The following TTLL11 variants were observed in gnomAD, a reference collection of about 807,000 sequenced individuals.
TTLL11 encodes the protein tubulin polyglutamylase TTLL11.
TTLL11 carries 42 observed loss-of-function variants against 51.7 expected under a neutral mutation model. The observed-to-expected ratio is 0.81, with a 90% CI of 0.64 to 1.05. TTLL11 has a LOEUF of 1.05. Ranked by LOEUF, TTLL11 falls within the 50% of genes least tolerant of loss-of-function variation. The pLI is 0.00. For missense variants in TTLL11, 799 were observed against 940.4 expected, an observed-to-expected ratio of 0.85 and a Z score of 1.97; for synonymous variants, 381 against 383.5, an observed-to-expected ratio of 0.99 and a Z score of 0.08.
intron 6 of TTLL11, among the ~76,000 whole-genome samples, chr9:121,937,686 T>C (rs1841288771): frequency 2.0e-5 from 3 of 149,874 alleles, no homozygotes; most frequent in African/African-American, 7.4e-5. Flanking sequence ...TTAAGAGATG[T>C]CCCTCCCTAG....
chr9:121,963,314 TTC>T (rs961457707), intron 6 of TTLL11, among the ~76,000 whole-genome samples: 3 of 152,214 alleles, frequency 2.0e-5, no homozygotes, highest in African/African-American at 7.2e-5. Flanking sequence ...TAAGTGACTT[TTC>T]TGAGACCAAG....
chr9:121,955,043 T>C (rs1374263390), intron 6 of TTLL11, among the ~76,000 whole-genome samples: 1 of 152,204 alleles, frequency 6.6e-6, no homozygotes, highest in Admixed American at 6.5e-5. Context: ...CCAGTTCTCC[T>C]ATGTGGTCAG....
At chr9:121,841,461 C>T (rs1837344026) in intron 8 of TTLL11, among the ~76,000 whole-genome samples, 1 of 152,170 alleles carries the variant, frequency 6.6e-6, no homozygotes, top group Admixed American at 6.5e-5. Context: ...TGTAAGGCTT[C>T]CTCCTCCCTT....
At chr9:121,867,609 C>A (rs1261545498) in intron 7 of TTLL11, among the ~76,000 whole-genome samples, 1 of 152,136 alleles carries the variant, frequency 6.6e-6, no homozygotes, top group Non-Finnish European at 1.5e-5. Context: ...TAAATTTGGG[C>A]TATGCATGCC....
At chr9:121,876,135 GA>G (rs1838554638) in intron 6 of TTLL11, among the ~76,000 whole-genome samples, 1 of 152,212 alleles carries the variant, frequency 6.6e-6, no homozygotes, top group South Asian at 2.1e-4. Flanking sequence ...AATCAGTAGT[GA>G]AATCAGGATT....
At chr9:121,845,497 A>G (rs1837491960) in intron 8 of TTLL11, among the ~76,000 whole-genome samples, 1 of 152,206 alleles carries the variant, frequency 6.6e-6, no homozygotes, top group African/African-American at 2.4e-5. Context: ...AAATAATAGA[A>G]GATACAATAA....
In TTLL11 at chr9:121,998,590, CT is replaced by C. The variant is rs568173749; in HGVS notation, c.694-8821del. On this transcript the variant is annotated intron_variant, in intron 3 of 8. Coordinates refer to ENST00000321582, the MANE Select transcript of TTLL11 (RefSeq NM_001139442.2). ...TGTGAGGCACCGCACCCAGCCTAAACTTTTTTTTTTTTAATGCAAGAATATC... is the reference window on the plus strand; with the variant it reads ...TGTGAGGCACCGCACCCAGCCTAAACTTTTTTTTTTTAATGCAAGAATATC... 3.8e-3 allele frequency among the ~76,000 whole-genome samples: 553 copies of C among 145,066 alleles called. 1 individual carries two copies. The highest frequency in any genetic ancestry group is 0.012 in the South Asian group (55 of 4,568).
At position 121,860,387 on chromosome 9, in the gene TTLL11, A is replaced by G. The variant is rs961438669; in HGVS notation, c.1790T>C (p.Ile597Thr). The change falls in exon 8 of 9, where the codon ATT becomes ACT. Residue 597 changes from isoleucine (I) to threonine (T), a missense_variant. Transcript: ENST00000321582. ...LSMAAVDILY[I>T]DITRRWNSMT... ...GGAGTTCCACCTCCGTGTGATGTCA[A>G]TGTAGAGGATGTCCACGGCAGCCAT... 1.9e-6 allele frequency: 3 copies of G among 1,551,294 alleles called. No homozygotes were observed. Among genetic ancestry groups the G allele is most frequent in the African/African-American group, 2.7e-5 (2 of 73,008 alleles).
At position 122,014,465 on chromosome 9, in the gene TTLL11, T is replaced by C. The variant is rs116980354; in HGVS notation, c.693+17258A>G. Reference sequence around the variant, plus strand: ...GAAATGACTGCATAGGAACTTTTCCTGACTTCTCCACCTTCCCACCTTCCC... The same window carrying C: ...GAAATGACTGCATAGGAACTTTTCCCGACTTCTCCACCTTCCCACCTTCCC... On this transcript the variant is annotated intron_variant, in intron 3 of 8. Transcript: ENST00000321582. Among the ~76,000 whole-genome samples, 132 of 152,362 alleles carry C rather than the reference T, an allele frequency of 8.7e-4. 2 individuals are homozygous for C. In the East Asian group the frequency reaches 0.024, roughly 28 times the overall value.
At chr9:121,977,201 G>A (rs1174796486) in intron 4 of TTLL11, among the ~76,000 whole-genome samples, 1 of 152,194 alleles carries the variant, frequency 6.6e-6, no homozygotes. Flanking sequence ...TTGAGTGCAT[G>A]TTTTTGAATA....
chr9:122,070,820 G>A (rs971749040), intron 1 of TTLL11, among the ~76,000 whole-genome samples: 10 of 152,144 alleles, frequency 6.6e-5, no homozygotes, highest in Admixed American at 2.0e-4. Flanking sequence ...TCCTACCTTC[G>A]GGCGGTGTAT....
intron 6 of TTLL11, among the ~76,000 whole-genome samples, chr9:121,929,763 G>A (rs535975153): frequency 1.3e-5 from 2 of 152,302 alleles, no homozygotes; most frequent in South Asian, 4.2e-4. Context: ...GGCAGGTTCC[G>A]AGGACCGGCC....
chr9:121,911,789 G>A (rs545678138), intron 6 of TTLL11, among the ~76,000 whole-genome samples: 1 of 152,156 alleles, frequency 6.6e-6, no homozygotes, highest in Non-Finnish European at 1.5e-5. Flanking sequence ...GTGGGGGTGG[G>A]GAACTAGGGG....
At chr9:121,991,510 G>C (rs1287388098) in intron 3 of TTLL11, among the ~76,000 whole-genome samples, 1 of 152,166 alleles carries the variant, frequency 6.6e-6, no homozygotes, top group Non-Finnish European at 1.5e-5. Flanking sequence ...GTAAATATAA[G>C]TGTGCTGGAC....
At chr9:121,973,303 GTT>G (rs1842620366) in intron 6 of TTLL11, among the ~76,000 whole-genome samples, 1 of 152,084 alleles carries the variant, frequency 6.6e-6, no homozygotes, top group Admixed American at 6.5e-5. Context: ...GAAACTAAAA[GTT>G]TATACTGCAA....
chr9:122,069,816 C>T (rs1411787762), intron 1 of TTLL11, among the ~76,000 whole-genome samples: 2 of 151,876 alleles, frequency 1.3e-5, no homozygotes, highest in African/African-American at 4.8e-5. Flanking sequence ...GCAGTGTGAC[C>T]CCACACAAAA....
chr9:121,940,351 T>C (rs1420898042), intron 6 of TTLL11, among the ~76,000 whole-genome samples: 1 of 151,946 alleles, frequency 6.6e-6, no homozygotes, highest in African/African-American at 2.4e-5. Context: ...CTCTTTTTTT[T>C]TTTTGAGATG....
chr9:122,054,807 G>A (rs189168961), intron 1 of TTLL11, among the ~76,000 whole-genome samples: 7 of 152,114 alleles, frequency 4.6e-5, no homozygotes, highest in African/African-American at 1.7e-4. Context: ...CTTCCATATC[G>A]AAACTTTAAA....
intron 8 of TTLL11, among the ~76,000 whole-genome samples, chr9:121,854,548 T>C (rs1837757474): frequency 6.6e-6 from 1 of 152,204 alleles, no homozygotes; most frequent in Non-Finnish European, 1.5e-5. Context: ...ATGTTGGTCT[T>C]TTGTTAGGAC....
Sources: allele counts gnomAD v4.1 joint callset (sites outside exome capture counted in the v4.1 genomes callset), GRCh38; gene constraint gnomAD v4.1.1; transcripts MANE v1.5; gene names NCBI Gene and HGNC (gene_info 2026-07-23, HGNC 2026-07-21).